The following IMMP2L variants were observed in gnomAD, a reference collection of about 807,000 sequenced individuals.
IMMP2L encodes mitochondrial inner membrane protease subunit 2.
IMMP2L carries 18 observed loss-of-function variants against 19.3 expected under a neutral mutation model. The ratio of observed to expected loss-of-function variants is 0.93; its 90% CI spans 0.64 to 1.38. IMMP2L has a LOEUF of 1.38. Among genes scored for constraint, IMMP2L ranks in the 40% most tolerant of loss-of-function variants. The probability of loss-of-function intolerance (pLI) is 0.00; values close to 1 mark genes in which losing one functional copy is unlikely to be tolerated. For missense variants in IMMP2L, 233 were observed against 218.2 expected, an observed-to-expected ratio of 1.07 and a Z score of -0.43; for synonymous variants, 76 against 73.0, an observed-to-expected ratio of 1.04 and a Z score of -0.21.
At chr7:111,517,530 G>C (rs887151286) in intron 2 of IMMP2L, among the ~76,000 whole-genome samples, 2 of 151,472 alleles carry the variant, frequency 1.3e-5, no homozygotes, top group Admixed American at 6.6e-5. Flanking sequence ...AATGTGGAAA[G>C]CATATACCTT....
At chr7:110,772,006 C>T (rs6947424) in intron 5 of IMMP2L, among the ~76,000 whole-genome samples, 7 of 152,106 alleles carry the variant, frequency 4.6e-5, no homozygotes, top group African/African-American at 7.2e-5. Flanking sequence ...ATCCTGGGAT[C>T]GGGGCTTTCT....
At chr7:111,559,066 T>A (rs1791715500) in intron 1 of IMMP2L, among the ~76,000 whole-genome samples, 1 of 152,112 alleles carries the variant, frequency 6.6e-6, no homozygotes, top group Non-Finnish European at 1.5e-5. Context: ...TGGGCTGTCA[T>A]TTGACTAAAA....
Position 111,192,026 on chromosome 7 carries a change from C to T in IMMP2L, c.240-228461G>A, listed in dbSNP as rs144665188. Among the ~76,000 whole-genome samples, 646 of 152,068 alleles carry T rather than the reference C, an allele frequency of 4.2e-3. 5 individuals are homozygous for T. Among genetic ancestry groups the T allele is most frequent in the Middle Eastern group, 0.024 (7 of 288 alleles). Reference sequence around the variant, plus strand: ...AAAGGTAATGAGAGCAAACAGAAGTCGCACTGGCACAGAGCAACCTTATGG... The same window carrying T: ...AAAGGTAATGAGAGCAAACAGAAGTTGCACTGGCACAGAGCAACCTTATGG... On this transcript the variant is annotated intron_variant, in intron 3 of 5. Transcript: ENST00000405709.
chr7:110,840,358 T>G (rs1205948414), intron 5 of IMMP2L, among the ~76,000 whole-genome samples: 14 of 152,170 alleles, frequency 9.2e-5, no homozygotes, highest in Admixed American at 9.2e-4. Context: ...TCTGGAATCC[T>G]GACCCATATG....
intron 3 of IMMP2L, among the ~76,000 whole-genome samples, chr7:110,996,889 AGT>A (rs377150073): frequency 6.6e-6 from 1 of 151,878 alleles, no homozygotes; most frequent in Non-Finnish European, 1.5e-5. Context: ...GTTAGTTGTG[AGT>A]GTGTGTGTGT....
At chr7:110,955,709 A>T (rs1237748770) in intron 4 of IMMP2L, among the ~76,000 whole-genome samples, 1 of 152,016 alleles carries the variant, frequency 6.6e-6, no homozygotes, top group Non-Finnish European at 1.5e-5. Context: ...GAACTATAAA[A>T]TAAAACTCTT....
chr7:111,255,284 T>C (rs573338600), intron 3 of IMMP2L, among the ~76,000 whole-genome samples: 2 of 152,264 alleles, frequency 1.3e-5, no homozygotes, highest in East Asian at 3.9e-4. Flanking sequence ...TCCATGAGGA[T>C]AGAATGCATT....
At chr7:111,089,957 T>G (rs1348096551) in intron 3 of IMMP2L, among the ~76,000 whole-genome samples, 3 of 148,198 alleles carry the variant, frequency 2.0e-5, no homozygotes, top group East Asian at 1.9e-4. Context: ...GAAGGTTTTG[T>G]TTTTTTTTTC....
chr7:111,412,621 A>G (rs974915080), intron 3 of IMMP2L, among the ~76,000 whole-genome samples: 2 of 151,876 alleles, frequency 1.3e-5, no homozygotes, highest in Non-Finnish European at 2.9e-5. Flanking sequence ...GGAGAAAACT[A>G]AAGTACTGCT....
At chr7:111,554,564 T>C (rs190785155) in intron 1 of IMMP2L, among the ~76,000 whole-genome samples, 5 of 152,112 alleles carry the variant, frequency 3.3e-5, no homozygotes, top group Admixed American at 6.6e-5. Context: ...CTATCTTACC[T>C]TGAACTCTAT....
chr7:111,270,986 G>T (rs1356501630), intron 3 of IMMP2L, among the ~76,000 whole-genome samples: 1 of 152,072 alleles, frequency 6.6e-6, no homozygotes, highest in Admixed American at 6.6e-5. Context: ...GATATGGTTT[G>T]GCTGTGTCCC....
At chr7:110,763,065 C>T (rs1798448290) in intron 5 of IMMP2L, among the ~76,000 whole-genome samples, 1 of 151,960 alleles carries the variant, frequency 6.6e-6, no homozygotes, top group Non-Finnish European at 1.5e-5. Flanking sequence ...AGTGTGTGAT[C>T]ACAGTTCAGC....
chr7:110,853,274 T>G (rs1483191527), intron 5 of IMMP2L, among the ~76,000 whole-genome samples: 2 of 152,042 alleles, frequency 1.3e-5, no homozygotes, highest in Non-Finnish European at 2.9e-5. Flanking sequence ...TATACACATA[T>G]GTATTCATTG....
intron 3 of IMMP2L, among the ~76,000 whole-genome samples, chr7:111,220,022 C>T (rs1208349922): frequency 6.6e-6 from 1 of 152,014 alleles, no homozygotes; most frequent in African/African-American, 2.4e-5. Flanking sequence ...TATGCTCACA[C>T]TATTTCTCCA....
intron 3 of IMMP2L, among the ~76,000 whole-genome samples, chr7:111,412,463 G>A (rs1012107555): frequency 6.6e-6 from 1 of 151,698 alleles, no homozygotes; most frequent in Non-Finnish European, 1.5e-5. Context: ...TCACAAAGGA[G>A]TTAAAACGGA....
chr7:111,517,797 TA>T (rs1845995733), intron 2 of IMMP2L, among the ~76,000 whole-genome samples: 1 of 152,086 alleles, frequency 6.6e-6, no homozygotes, highest in South Asian at 2.1e-4. Flanking sequence ...AAAAAAGAAG[TA>T]CATCTACTTT....
chr7:111,146,694 TA>T (rs1803513496), intron 3 of IMMP2L, among the ~76,000 whole-genome samples: 1 of 151,976 alleles, frequency 6.6e-6, no homozygotes, highest in South Asian at 2.1e-4. Flanking sequence ...AACAGGAATG[TA>T]AAAAGATGTT....
At chr7:111,124,516 C>A in intron 3 of IMMP2L, 1 of 1,613,776 alleles carries the variant, frequency 6.2e-7, no homozygotes, top group East Asian at 2.2e-5. Flanking sequence ...TAATCTTACT[C>A]ATCTGAATCC....
At chr7:111,304,670 A>ATGGG (rs1554439074) in intron 3 of IMMP2L, among the ~76,000 whole-genome samples, 3 of 126,010 alleles carry the variant, frequency 2.4e-5, no homozygotes, top group African/African-American at 8.8e-5. Context: ...CACATATATA[A>ATGGG]TGTGTGTGTG....
Sources: gnomAD v4.1 joint callset for allele counts (sites outside exome capture counted in the v4.1 genomes callset) on GRCh38, gnomAD v4.1.1 for gene constraint, MANE v1.5 for transcripts, NCBI Gene and HGNC (gene_info 2026-07-23, HGNC 2026-07-21) for gene names.